RPS10: variants seen among roughly 807,000 people sequenced by gnomAD.
RPS10 encodes ribosomal protein S10.
Under a neutral mutation model 22.6 loss-of-function variants are expected in RPS10, and 2 were observed. The observed-to-expected ratio is 0.09, with a 90% CI of 0.04 to 0.28. The LOEUF (loss-of-function observed/expected upper bound fraction) is 0.28. Ranked by LOEUF, RPS10 falls within the 10% of genes least tolerant of loss-of-function variation. The pLI is 1.00. For synonymous variants in RPS10, 70 were observed against 75.9 expected (o/e 0.92, Z 0.40); for missense variants, 137 against 222.2 (o/e 0.62, Z 2.44).
intron 3 of RPS10, among the ~76,000 whole-genome samples, chr6:34,423,637 C>A (rs1765844965): frequency 6.6e-6 from 1 of 152,184 alleles, no homozygotes; most frequent in Non-Finnish European, 1.5e-5. Context: ...GTAATCCCAG[C>A]ACTTTGGGAG....
chr6:34,418,400 G>A lies in RPS10; in HGVS notation c.425C>T (p.Ala142Val), dbSNP rs1765648018. The A allele has an allele frequency of 6.2e-7, 1 of 1,614,044 alleles. No homozygotes were observed. The highest frequency in any genetic ancestry group is 8.5e-7 in the Non-Finnish European group (1 of 1,180,040). The change falls in exon 5 of 6, where the codon GCT becomes GTT. Residue 142 changes from alanine (A) to valine (V), a missense_variant. Transcript: ENST00000648437. The part of the protein sequence containing the change: ...VPPGADKKAE[A>V]GAGSATEFQF... ...GAATTCGGTTGCTGACCCAGCCCCA[G>A]CCTCGGCTTTCTTGTCGGCACCAGC...
intron 3 of RPS10, among the ~76,000 whole-genome samples, chr6:34,422,820 G>A (rs1401727712): frequency 1.3e-5 from 2 of 151,144 alleles, no homozygotes; most frequent in East Asian, 2.0e-4. Context: ...AGTGGCTCAT[G>A]CCTGTAATCC....
In RPS10 at chr6:34,421,232, C is replaced by T. The variant is rs565396222; in HGVS notation, c.400+498G>A. ...CTCGTGCCCAGTGTGAGCCATAGAT[C>T]TAATACAATGGCATGATCTCGGCTC... On this transcript the variant is annotated intron_variant, in intron 4 of 5. Coordinates refer to ENST00000648437, the MANE Select transcript of RPS10 (RefSeq NM_001014.5). 7.9e-5 allele frequency among the ~76,000 whole-genome samples: 12 copies of T among 151,598 alleles called. No homozygotes were observed. In the South Asian group the frequency reaches 2.3e-3, roughly 29 times the overall value.
chr6:34,418,204 C>T (rs764368105), intron 5 of RPS10, 165 bp downstream of exon 5: 5 of 1,518,140 alleles, frequency 3.3e-6, no homozygotes, highest in South Asian at 2.5e-5. Flanking sequence ...CAAAAGTTTG[C>T]ATGCTACAAC....
chr6:34,425,359 A>G, intron 1 of RPS10, 138 bp from the exon 2 acceptor site: 2 of 1,151,526 alleles, frequency 1.7e-6, no homozygotes, highest in Non-Finnish European at 2.5e-6. Flanking sequence ...CACAAAACAG[A>G]TTCGGCAGAG....
At chr6:34,421,202 CT>C (rs1169227567) in intron 4 of RPS10, among the ~76,000 whole-genome samples, 2 of 151,576 alleles carry the variant, frequency 1.3e-5, no homozygotes, top group South Asian at 2.1e-4. Context: ...TTTCCTCCCC[CT>C]ATCCTCGTGC....
In RPS10 at chr6:34,418,189, A is replaced by G. The variant is rs546067827; in HGVS notation, c.456+180T>C. On this transcript the variant is annotated intron_variant, in intron 5 of 5. Coordinates refer to ENST00000648437, the MANE Select transcript of RPS10 (RefSeq NM_001014.5). ...TGAGACTCATTTCAGTAATTTATGT[A>G]TTTACAAAAGTTTGCATGCTACAAC... 11 of 1,505,450 alleles carry G rather than the reference A, an allele frequency of 7.3e-6. No individual in the cohort carries two copies. The East Asian group carries it at 1.7e-4, about 24-fold the overall frequency. 93.3% of individuals were successfully genotyped at this position (1,505,450 alleles called of 1,614,324 possible). A position where few individuals can be genotyped will look rare whatever the true frequency, so the allele number is the denominator to read the frequency against.
chr6:34,424,138 GT>G (rs796332243), intron 3 of RPS10: 1 of 8,238 alleles, frequency 1.2e-4, no homozygotes, highest in African/African-American at 4.5e-4. Context: ...GCAAGACTCC[GT>G]TAAAAAAAAA....
In RPS10 at chr6:34,421,616, C is replaced by G. The variant is rs878971474; in HGVS notation, c.400+114G>C. On this transcript the variant is annotated intron_variant, in intron 4 of 5. Transcript: ENST00000648437. ...TGCTCTGCAGAGTGAAACCAAGAAT[C>G]TTTCCTGGTCATTTTGTCATCATCA... is the stretch of plus-strand genomic sequence containing the variant. 4 of 1,196,498 alleles carry G rather than the reference C, an allele frequency of 3.3e-6. No individual in the cohort carries two copies. The South Asian group carries it at 3.7e-5, about 11-fold the overall frequency. 74.1% of individuals were successfully genotyped at this position (1,196,498 alleles called of 1,614,324 possible). A position where few individuals can be genotyped will look rare whatever the true frequency, so the allele number is the denominator to read the frequency against.
chr6:34,424,624 GA>G, intron 3 of RPS10, 44 bp downstream of exon 3: 3 of 1,612,122 alleles, frequency 1.9e-6, no homozygotes, highest in Non-Finnish European at 2.5e-6. Flanking sequence ...TTACACAAAA[GA>G]AACTATCTTC....
intron 4 of RPS10, among the ~76,000 whole-genome samples, chr6:34,420,502 G>T (rs188438870): frequency 6.6e-6 from 1 of 152,094 alleles, no homozygotes; most frequent in East Asian, 1.9e-4. Flanking sequence ...ACAGGCATGA[G>T]CCACTGTGCC....
intron 3 of RPS10, chr6:34,424,446 G>C (rs1359784366): frequency 3.5e-6 from 2 of 570,852 alleles, no homozygotes; most frequent in East Asian, 3.1e-5. Context: ...TGTGGGTGAA[G>C]AAAGTGACAG....
At chr6:34,421,989 A>T (rs1441706226) in intron 3 of RPS10, among the ~76,000 whole-genome samples, 182 bp from the exon 4 acceptor site, 1 of 151,702 alleles carries the variant, frequency 6.6e-6, no homozygotes, top group East Asian at 1.9e-4. Flanking sequence ...TTCTCCATAG[A>T]AACTTATTGA....
In RPS10 at chr6:34,422,019, GAAA is replaced by G. The variant is rs34411335; in HGVS notation, c.323-215_323-213del. On this transcript the variant is annotated intron_variant, in intron 3 of 5. Coordinates refer to ENST00000648437, the MANE Select transcript of RPS10 (RefSeq NM_001014.5). ...TATTGACAATCTTGGCTGCAAATCT[GAAA>G]AAAAAAAAAAAGGCTTCCATTTTGT... Among the ~76,000 whole-genome samples the G allele has an allele frequency of 9.2e-3, 1,185 of 129,276 alleles. 15 individuals are homozygous for G. Among genetic ancestry groups the G allele is most frequent in the Middle Eastern group, 0.03 (7 of 232 alleles). 84.8% of individuals were successfully genotyped at this position (129,276 alleles called of 152,430 possible).
intron 3 of RPS10, among the ~76,000 whole-genome samples, chr6:34,424,091 C>T (rs904981896): frequency 7.6e-6 from 1 of 131,164 alleles, no homozygotes; most frequent in African/African-American, 2.8e-5. Context: ...AGGCCAAGCA[C>T]GGTGGCTTAC....
chr6:34,417,870 T>C, intron 5 of RPS10: 2 of 718,280 alleles, frequency 2.8e-6, no homozygotes, highest in South Asian at 3.0e-5. Context: ...AATGACATTA[T>C]CTGAGAGCAA....
chr6:34,425,039 A>C (rs772662170), intron 2 of RPS10, 33 bp downstream of exon 2: 4 of 1,611,320 alleles, frequency 2.5e-6, no homozygotes, highest in East Asian at 2.2e-5. Flanking sequence ...CCGGGGAGGA[A>C]GATCCATCCC....
chr6:34,420,132 G>A (rs980370517), intron 4 of RPS10, among the ~76,000 whole-genome samples: 4 of 152,176 alleles, frequency 2.6e-5, no homozygotes, highest in Admixed American at 2.6e-4. Flanking sequence ...TGGCTACGAG[G>A]AAATTTTGTA....
chr6:34,425,394 CA>C, intron 1 of RPS10, 173 bp from the exon 2 acceptor site: 1 of 762,566 alleles, frequency 1.3e-6, no homozygotes, highest in Non-Finnish European at 2.2e-6. Flanking sequence ...TCCCCACCCC[CA>C]AACACAATTC....
Sources: allele counts gnomAD v4.1 joint callset (sites outside exome capture counted in the v4.1 genomes callset), GRCh38; gene constraint gnomAD v4.1.1; transcripts MANE v1.5; gene names NCBI Gene and HGNC (gene_info 2026-07-23, HGNC 2026-07-21).